Variants in LGI1 observed in about 807,000 individuals in gnomAD.
The protein encoded by LGI1 is leucine-rich glioma-inactivated protein 1.
In LGI1, 11 loss-of-function variants were observed where a neutral mutation model predicts 57.7. That is an observed-to-expected ratio of 0.19 (90% CI 0.12 to 0.32). LGI1 has a LOEUF of 0.32. LGI1 is among the 10% of genes least tolerant of loss of function. The pLI, the probability that LGI1 is intolerant of heterozygous loss-of-function variation, is 1.00. For missense variants in LGI1, 422 were observed against 661.9 expected (o/e 0.64, Z 3.98); for synonymous variants, 222 against 241.9 (o/e 0.92, Z 0.76).
rs1323474392 is a variant in LGI1 at position 93,758,700 on chromosome 10, GTGTGTGTGTCTCTT to G, written c.216-48_216-35del. ...CGGATTAACATAAGGTTTGTTCTGT[GTGTGTGTGTCTCTT>G]TGTGTGTGTCTGTTTGTTTGTTTTC... On this transcript the variant is annotated intron_variant, in intron 1 of 7. Transcript: ENST00000371418. This position sits in a 1 kb window ranked among gnomAD's most constrained non-coding sequence, Gnocchi z 4.7. 1 of 1,174,120 alleles carries G rather than the reference GTGTGTGTGTCTCTT, an allele frequency of 8.5e-7. No individual in the cohort carries two copies. The highest frequency in any genetic ancestry group is 1.7e-5 in the Admixed American group (1 of 58,382). 72.7% of individuals were successfully genotyped at this position (1,174,120 alleles called of 1,614,324 possible).
At position 93,758,724 on chromosome 10, in the gene LGI1, C is replaced by G. The variant is rs2059591464; in HGVS notation, c.216-36C>G. 1.4e-6 allele frequency: 2 copies of G among 1,439,580 alleles called. No homozygotes were observed. The highest frequency in any genetic ancestry group is 3.4e-5 in the Admixed American group (2 of 59,564). 89.2% of individuals were successfully genotyped at this position (1,439,580 alleles called of 1,614,324 possible). On this transcript the variant is annotated intron_variant, in intron 1 of 7. Coordinates refer to ENST00000371418, the MANE Select transcript of LGI1 (RefSeq NM_005097.4). The surrounding 1 kb of genome is among the most constrained non-coding windows in gnomAD (Gnocchi z 4.7). ...TGTGTGTGTGTCTCTTTGTGTGTGT[C>G]TGTTTGTTTGTTTTCTCTTTTTTGT...
At chr10:93,784,207 A>G (rs957839829) in intron 4 of LGI1, among the ~76,000 whole-genome samples, 1 of 151,982 alleles carries the variant, frequency 6.6e-6, no homozygotes, top group Non-Finnish European at 1.5e-5. Context: ...CCCTCTCCCA[A>G]TCGGCTCCAC....
intron 2 of LGI1, chr10:93,776,748 T>A (rs1420363794): frequency 6.5e-6 from 1 of 153,996 alleles, no homozygotes; most frequent in Non-Finnish European, 1.4e-5. Flanking sequence ...AACCAAATCC[T>A]TGTGGATTTT....
intron 2 of LGI1, chr10:93,770,729 T>C (rs2059727704): frequency 6.6e-6 from 1 of 152,148 alleles, no homozygotes; most frequent in Non-Finnish European, 1.5e-5. Context: ...AATGTTAGCA[T>C]TTTACAGGTC....
At chr10:93,761,575 G>A (rs1020937269) in intron 2 of LGI1, among the ~76,000 whole-genome samples, 2 of 152,036 alleles carry the variant, frequency 1.3e-5, no homozygotes, top group Admixed American at 6.6e-5. Context: ...GTCAGTCTGG[G>A]GTACTGAGGA....
At chr10:93,768,973 A>T (rs2059707946) in intron 2 of LGI1, 1 of 152,246 alleles carries the variant, frequency 6.6e-6, no homozygotes, top group African/African-American at 2.4e-5. Flanking sequence ...AGAGTCAAAA[A>T]GAACTGTCAA....
At chr10:93,770,800 A>C (rs1367468791) in intron 2 of LGI1, 2 of 152,198 alleles carry the variant, frequency 1.3e-5, no homozygotes, top group African/African-American at 2.4e-5. Flanking sequence ...TTTTAAAAAA[A>C]ACAATTACAG....
intron 4 of LGI1, among the ~76,000 whole-genome samples, chr10:93,783,482 C>T (rs1429728844): frequency 6.6e-6 from 1 of 152,174 alleles, no homozygotes; most frequent in Admixed American, 6.5e-5. Context: ...AAAGAGCCTC[C>T]ACGTTGCCTT....
intron 2 of LGI1, chr10:93,769,649 C>T (rs918701410): frequency 3.0e-4 from 45 of 152,304 alleles, no homozygotes; most frequent in Admixed American, 1.0e-3. Context: ...GATGATGAAA[C>T]AGATTTACCT....
intron 5 of LGI1, chr10:93,792,146 G>C (rs1403209421): frequency 1.3e-5 from 2 of 152,080 alleles, no homozygotes; most frequent in Admixed American, 6.6e-5. Context: ...AGTACGCTTG[G>C]AATAATTTGG....
At chr10:93,762,037 G>A (rs1171040967) in intron 2 of LGI1, among the ~76,000 whole-genome samples, 1 of 152,100 alleles carries the variant, frequency 6.6e-6, no homozygotes, top group Non-Finnish European at 1.5e-5. Flanking sequence ...AATTTAAGAG[G>A]ACAAAATGTG....
intron 6 of LGI1, 111 bp from the exon 7 acceptor site, chr10:93,793,075 A>G: frequency 8.4e-7 from 1 of 1,184,898 alleles, no homozygotes; most frequent in Non-Finnish European, 1.2e-6. Context: ...TTAAAAGTAA[A>G]ATGGCCATTT....
At position 93,777,038 on chromosome 10, in the gene LGI1, G is replaced by A. The variant is rs915972310; in HGVS notation, c.288-341G>A. On this transcript the variant is annotated intron_variant, in intron 2 of 7. Coordinates refer to ENST00000371418, the MANE Select transcript of LGI1 (RefSeq NM_005097.4). Reference sequence around the variant, plus strand: ...ACTCCAGAGGTTTCTAGAACAAGCAGAAAAGATTGTTAGTGCCTTTGTCAT... The same window carrying A: ...ACTCCAGAGGTTTCTAGAACAAGCAAAAAAGATTGTTAGTGCCTTTGTCAT... The A allele has an allele frequency of 7.7e-6, 3 of 392,052 alleles. No homozygotes were observed. The Admixed American group carries it at 1.2e-4, about 15-fold the overall frequency. 24.3% of individuals were successfully genotyped at this position (392,052 alleles called of 1,614,324 possible).
intron 2 of LGI1, among the ~76,000 whole-genome samples, chr10:93,759,714 T>C (rs1477805746): frequency 1.3e-5 from 2 of 152,256 alleles, no homozygotes; most frequent in East Asian, 3.8e-4. Context: ...CTTAACTGCA[T>C]GATTCAGGAC....
chr10:93,780,568 A>C (rs1355220248), intron 4 of LGI1, among the ~76,000 whole-genome samples: 4 of 152,186 alleles, frequency 2.6e-5, no homozygotes, highest in Non-Finnish European at 5.9e-5. Flanking sequence ...ACTTCATCAT[A>C]GTCTCCTGAC....
intron 4 of LGI1, chr10:93,780,408 T>C (rs1043429502): frequency 1.3e-5 from 2 of 152,190 alleles, no homozygotes; most frequent in African/African-American, 4.8e-5. Context: ...AGTTTCCTTT[T>C]TAAGACATTA....
At chr10:93,777,693 C>T (rs888009337) in intron 4 of LGI1, 76 bp downstream of exon 4, 15 of 1,134,666 alleles carry the variant, frequency 1.3e-5, no homozygotes, top group Non-Finnish European at 2.0e-5. Context: ...GTTAATGCAC[C>T]TACTTTATGA....
chr10:93,781,548 C>T (rs2059848038), intron 4 of LGI1, among the ~76,000 whole-genome samples: 4 of 151,986 alleles, frequency 2.6e-5, no homozygotes, highest in Admixed American at 2.6e-4. Flanking sequence ...TTCTCAATTA[C>T]TTTGTTTTGA....
intron 4 of LGI1, among the ~76,000 whole-genome samples, 163 bp downstream of exon 4, chr10:93,777,780 G>A (rs932753984): frequency 2.6e-5 from 4 of 152,156 alleles, no homozygotes; most frequent in Non-Finnish European, 5.9e-5. Flanking sequence ...ATCTGTCAGA[G>A]GGTGTTCAAT....
Sources: gnomAD v4.1 joint callset for allele counts (sites outside exome capture counted in the v4.1 genomes callset) on GRCh38, gnomAD v4.1.1 for gene constraint, Gnocchi (gnomAD v3.1) non-coding constraint, MANE v1.5 for transcripts, NCBI Gene and HGNC (gene_info 2026-07-23, HGNC 2026-07-21) for gene names.